The following CDK2AP1 variants were observed in gnomAD, a reference collection of about 807,000 sequenced individuals.
The protein encoded by CDK2AP1 is cyclin dependent kinase 2 associated protein 1, also known as cyclin-dependent kinase 2-associated protein 1.
CDK2AP1 carries 10 observed loss-of-function variants against 14.1 expected under a neutral mutation model. The observed-to-expected ratio is 0.71, with a 90% CI of 0.44 to 1.20. CDK2AP1 has a LOEUF of 1.20. Among genes scored for constraint, CDK2AP1 ranks in the 50% most tolerant of loss-of-function variants. The pLI is 0.00. For synonymous variants in CDK2AP1, 59 were observed against 59.8 expected (o/e 0.99, Z 0.06); for missense variants, 102 against 149.9 (o/e 0.68, Z 1.67).
rs146228272 is a variant in CDK2AP1 at position 123,267,273 on chromosome 12, A to G, written c.65T>C (p.Val22Ala). Residue 22 changes from valine to alanine, a missense_variant, in exon 2 of 4, where the codon GTC becomes GCC. Around this residue, in one of 2 missense-constraint regions of CDK2AP1, gnomAD observed 50 missense variants for 42.7 expected, o/e 1.17. Transcript: ENST00000261692. ...PAAALNAAGSVHSPSTSMATS... is the reference protein window; with the variant it reads ...PAAALNAAGSAHSPSTSMATS... The stretch of plus-strand genomic sequence containing the variant: ...TGCCATGCTGGTGGAAGGCGAGTGG[A>G]CACTCCCAGCTGTGGGGTGGGGAGA... 91 of 1,609,816 alleles carry G rather than the reference A, an allele frequency of 5.7e-5. No homozygotes were observed. In the African/African-American group the frequency reaches 9.5e-4, roughly 17 times the overall value.
At chr12:123,270,220 G>A (rs1204894332) in intron 1 of CDK2AP1, 4 of 984,078 alleles carry the variant, frequency 4.1e-6, no homozygotes, top group Non-Finnish European at 4.8e-6. Flanking sequence ...GACCCCAGAG[G>A]AGGTGAGAAT....
chr12:123,265,181 C>G lies in CDK2AP1; in HGVS notation c.280+15G>C. 1 of 1,613,806 alleles carries G rather than the reference C, an allele frequency of 6.2e-7. No homozygotes were observed. ...AGCACTGTGGTCACCGACAGGGCAGCGGGGCCGGGCTTACCGCGCTTCAGC... is the reference window on the plus strand; with the variant it reads ...AGCACTGTGGTCACCGACAGGGCAGGGGGGCCGGGCTTACCGCGCTTCAGC... On this transcript the variant is annotated intron_variant, in intron 3 of 3. Transcript: ENST00000261692. The surrounding 1 kb of genome is among the most constrained non-coding windows in gnomAD (Gnocchi z 5.3).
chr12:123,268,272 T>G, intron 1 of CDK2AP1: 1 of 984,088 alleles, frequency 1.0e-6, no homozygotes, highest in Non-Finnish European at 1.2e-6. Context: ...GACAGACAGC[T>G]GGTGCCAGGC....
Position 123,265,359 on chromosome 12 carries a change from C to A in CDK2AP1, c.154-37G>T. On this transcript the variant is annotated intron_variant, in intron 2 of 3. Coordinates refer to ENST00000261692, the MANE Select transcript of CDK2AP1 (RefSeq NM_004642.4). The surrounding 1 kb of genome is among the most constrained non-coding windows in gnomAD (Gnocchi z 5.3). Reference sequence around the variant, plus strand: ...AAGAAATGGGTTCAGCAAAATCAGCCGGGCGTGGTGGTGCGTGCCTGTAGT... The same window carrying A: ...AAGAAATGGGTTCAGCAAAATCAGCAGGGCGTGGTGGTGCGTGCCTGTAGT... 4 of 1,612,648 alleles carry A rather than the reference C, an allele frequency of 2.5e-6. No individual in the cohort carries two copies. The highest frequency in any genetic ancestry group is 3.4e-6 in the Non-Finnish European group (4 of 1,178,884).
rs2048354737 is a variant in CDK2AP1, at chr12:123,271,648, G to A, written c.-30C>T. ...CCGGGCGGCGGGCGCGCCGGGCGCG[G>A]CGGGGCCAGGCCGCGAGGGCGGCGG... On this transcript the variant is annotated 5_prime_UTR_variant, in exon 1 of 4. Coordinates refer to ENST00000261692, the MANE Select transcript of CDK2AP1 (RefSeq NM_004642.4). 17 of 946,700 alleles carry A rather than the reference G, an allele frequency of 1.8e-5. No homozygotes were observed. The highest frequency in any genetic ancestry group is 2.0e-5 in the Non-Finnish European group (16 of 797,196). 58.6% of individuals were successfully genotyped at this position (946,700 alleles called of 1,614,324 possible). A position where few individuals can be genotyped will look rare whatever the true frequency, so the allele number is the denominator to read the frequency against.
rs895014270 is a variant in CDK2AP1, at chr12:123,265,635, G to C, written c.154-313C>G. ...ACTTCTGGGGCAGCCACCTCAGCTG[G>C]GCCAAGGCACGTCCCATTCTAGGGG... is the stretch of plus-strand genomic sequence containing the variant. On this transcript the variant is annotated intron_variant, in intron 2 of 3. Coordinates refer to ENST00000261692, the MANE Select transcript of CDK2AP1 (RefSeq NM_004642.4). The surrounding 1 kb of genome is among the most constrained non-coding windows in gnomAD (Gnocchi z 5.3). Among the ~76,000 whole-genome samples, 4 of 152,124 alleles carry C rather than the reference G, an allele frequency of 2.6e-5. No homozygotes were observed. The highest frequency in any genetic ancestry group is 2.6e-4 in the Admixed American group (4 of 15,268).
intron 3 of CDK2AP1, among the ~76,000 whole-genome samples, chr12:123,262,962 C>A (rs1265266488): frequency 6.6e-6 from 1 of 151,890 alleles, no homozygotes; most frequent in African/African-American, 2.4e-5. Context: ...ACCTGTAATC[C>A]CAGCACTTTC....
intron 1 of CDK2AP1, chr12:123,271,106 C>G: frequency 1.2e-6 from 1 of 822,038 alleles, no homozygotes; most frequent in Non-Finnish European, 1.5e-6. Context: ...TGGCCCTGCC[C>G]GCAGCGCCCC....
At chr12:123,263,093 A>C (rs986278516) in intron 3 of CDK2AP1, among the ~76,000 whole-genome samples, 2 of 151,366 alleles carry the variant, frequency 1.3e-5, no homozygotes, top group Non-Finnish European at 2.9e-5. Context: ...GGGCGCCTAT[A>C]ATCCCAGCTA....
chr12:123,261,989 G>A, intron 3 of CDK2AP1, 186 bp from the exon 4 acceptor site: 1 of 521,174 alleles, frequency 1.9e-6, no homozygotes, highest in Middle Eastern at 2.8e-4. Flanking sequence ...CCTCTCTAAA[G>A]CCCTTCCCTC....
Position 123,261,640 on chromosome 12 carries a change from C to A in CDK2AP1, c.*96G>T. 1.9e-6 allele frequency: 2 copies of A among 1,027,150 alleles called. No individual in the cohort carries two copies. Among genetic ancestry groups the A allele is most frequent in the South Asian group, 1.3e-5 (1 of 76,102 alleles). 63.6% of individuals were successfully genotyped at this position (1,027,150 alleles called of 1,614,324 possible). A position where few individuals can be genotyped will look rare whatever the true frequency, so the allele number is the denominator to read the frequency against. On this transcript the variant is annotated 3_prime_UTR_variant, in exon 4 of 4. Transcript: ENST00000261692. ...CATGGGAGGAAAAACGAAACTGTAA[C>A]CATTTTGAAAACAAGGGTTTCATCT...
intron 1 of CDK2AP1, among the ~76,000 whole-genome samples, chr12:123,271,351 C>A (rs1173626277): frequency 6.8e-5 from 10 of 147,420 alleles, no homozygotes; most frequent in Non-Finnish European, 1.5e-4. Context: ...CCGCCCCGCA[C>A]CCCCAGCCGA....
intron 3 of CDK2AP1, among the ~76,000 whole-genome samples, chr12:123,262,922 T>C (rs1337779398): frequency 1.3e-5 from 2 of 151,736 alleles, no homozygotes; most frequent in African/African-American, 4.8e-5. Flanking sequence ...TTTTCAACCA[T>C]TAAGAACCAT....
chr12:123,262,401 C>G (rs994148006), intron 3 of CDK2AP1: 7 of 152,224 alleles, frequency 4.6e-5, no homozygotes, highest in African/African-American at 1.7e-4. Context: ...TTTTAATAGA[C>G]ACTAAGGATT....
chr12:123,271,509 C>A, intron 1 of CDK2AP1, 55 bp downstream of exon 1: 2 of 966,710 alleles, frequency 2.1e-6, no homozygotes, highest in South Asian at 4.6e-5. Context: ...CGGGGCCGGG[C>A]GCGCGGACCC....
chr12:123,267,377 C>T (rs1207378343), intron 1 of CDK2AP1, 95 bp from the exon 2 acceptor site: 2 of 753,584 alleles, frequency 2.7e-6, no homozygotes, highest in Non-Finnish European at 4.9e-6. Context: ...CCAGGACCCA[C>T]ACCACCAACT....
chr12:123,269,835 A>C (rs762203299), intron 1 of CDK2AP1, among the ~76,000 whole-genome samples: 6 of 151,974 alleles, frequency 3.9e-5, no homozygotes, highest in Non-Finnish European at 8.8e-5. Context: ...CGGAGAGTCC[A>C]TCTTGGATGC....
Position 123,266,879 on chromosome 12 carries a change from CAAGA to C in CDK2AP1, c.153+302_153+305del, listed in dbSNP as rs2048302644. Among the ~76,000 whole-genome samples, 3 of 152,224 alleles carry C rather than the reference CAAGA, an allele frequency of 2.0e-5. No individual in the cohort carries two copies. The South Asian group carries it at 6.2e-4, about 31-fold the overall frequency. ...GCATCAAGGTCAGGCCTCACTTGCC[CAAGA>C]AAGAGGAGTGAGGAGGCCCACTGGA... On this transcript the variant is annotated intron_variant, in intron 2 of 3. Transcript: ENST00000261692.
At chr12:123,266,900 C>T (rs571568634) in intron 2 of CDK2AP1, among the ~76,000 whole-genome samples, 70 of 152,344 alleles carry the variant, frequency 4.6e-4, no homozygotes, top group African/African-American at 1.7e-3. Context: ...AGTGAGGAGG[C>T]CCACTGGAGG....
Sources: allele counts gnomAD v4.1 joint callset (sites outside exome capture counted in the v4.1 genomes callset), GRCh38; gene constraint gnomAD v4.1.1; regional missense constraint gnomAD v4.1.1; non-coding constraint Gnocchi (gnomAD v3.1); transcripts MANE v1.5; gene names NCBI Gene and HGNC (gene_info 2026-07-23, HGNC 2026-07-21).